The following SAMMSON variants were observed in gnomAD, a reference collection of about 807,000 sequenced individuals.
SAMMSON encodes the protein survival associated mitochondrial melanoma specific oncogenic non-coding RNA.
intron 7 of SAMMSON, among the ~76,000 whole-genome samples, chr3:70,323,766 TGTTGTGAGGCCACA>T (rs1702555908): frequency 6.6e-6 from 1 of 152,122 alleles, no homozygotes; most frequent in African/African-American, 2.4e-5. Flanking sequence ...CATACCTTAT[TGTTGTGAGGCCACA>T]GTTCATCTGC....
At chr3:70,427,305 T>G (rs1701377926) in intron 2 of SAMMSON, among the ~76,000 whole-genome samples, 1 of 152,220 alleles carries the variant, frequency 6.6e-6, no homozygotes, top group Non-Finnish European at 1.5e-5. Context: ...GTTTTGTTAG[T>G]AGTTTCTACT....
chr3:70,011,094 A>G (rs2066953430), intron 1 of SAMMSON, among the ~76,000 whole-genome samples: 1 of 152,112 alleles, frequency 6.6e-6, no homozygotes, highest in African/African-American at 2.4e-5. Flanking sequence ...GTATTACTCA[A>G]GGGTTCTTCA....
At chr3:70,153,034 C>G (rs917194581) in intron 4 of SAMMSON, among the ~76,000 whole-genome samples, 5 of 152,102 alleles carry the variant, frequency 3.3e-5, no homozygotes, top group African/African-American at 1.2e-4. Flanking sequence ...TCCATTGGCC[C>G]TTTAATGAAT....
intron 7 of SAMMSON, among the ~76,000 whole-genome samples, chr3:70,294,251 A>G (rs1165132807): frequency 6.6e-6 from 1 of 152,134 alleles, no homozygotes; most frequent in Non-Finnish European, 1.5e-5. Context: ...GATTTTTTGA[A>G]TAGTGTTCTT....
At chr3:70,333,197 C>A (rs932427420) in intron 7 of SAMMSON, among the ~76,000 whole-genome samples, 1 of 152,074 alleles carries the variant, frequency 6.6e-6, no homozygotes, top group Admixed American at 6.5e-5. Flanking sequence ...GTGGACAGAG[C>A]CTGTTTCACA....
intron 2 of SAMMSON, among the ~76,000 whole-genome samples, chr3:70,403,114 G>A (rs916465076): frequency 6.6e-6 from 1 of 152,098 alleles, no homozygotes; most frequent in Non-Finnish European, 1.5e-5. Flanking sequence ...AAAAGAGACT[G>A]TGTGGATAAC....
intron 3 of SAMMSON, among the ~76,000 whole-genome samples, chr3:70,034,948 G>A (rs1035738933): frequency 2.0e-5 from 3 of 152,150 alleles, no homozygotes; most frequent in African/African-American, 7.2e-5. Flanking sequence ...TTACTGCTGT[G>A]TAACAAATTA....
intron 7 of SAMMSON, among the ~76,000 whole-genome samples, chr3:70,310,802 A>G (rs1201951146): frequency 6.6e-6 from 1 of 152,158 alleles, no homozygotes; most frequent in Non-Finnish European, 1.5e-5. Context: ...TGTTCTGACG[A>G]GTAACTTAAA....
At chr3:70,274,058 T>C (rs917841378) in intron 6 of SAMMSON, among the ~76,000 whole-genome samples, 1 of 141,224 alleles carries the variant, frequency 7.1e-6, no homozygotes, top group Admixed American at 7.1e-5. Context: ...TAAACCTCCG[T>C]GTGTGTGTGT....
intron 3 of SAMMSON, among the ~76,000 whole-genome samples, chr3:70,034,507 A>C (rs78499621): frequency 0.046 from 7,057 of 152,172 alleles, 371 homozygotes; most frequent in African/African-American, 0.13. Flanking sequence ...TCTGTGGGTG[A>C]TTTGAACTTA....
chr3:70,110,218 C>T (rs1280145747), intron 4 of SAMMSON, among the ~76,000 whole-genome samples: 2 of 152,168 alleles, frequency 1.3e-5, no homozygotes, highest in Non-Finnish European at 2.9e-5. Context: ...TACTCCAGGG[C>T]TGGAGCTGTC....
chr3:70,153,434 C>T (rs1367706228), intron 4 of SAMMSON, among the ~76,000 whole-genome samples: 2 of 151,746 alleles, frequency 1.3e-5, no homozygotes, highest in East Asian at 1.9e-4. Context: ...CTCACTGCAA[C>T]GGATACCACT....
At chr3:70,058,170 A>G (rs1213519520) in intron 3 of SAMMSON, among the ~76,000 whole-genome samples, 2 of 152,078 alleles carry the variant, frequency 1.3e-5, no homozygotes, top group Non-Finnish European at 1.5e-5. Flanking sequence ...AAATGTAGGC[A>G]GTTGAGGCTT....
At chr3:70,206,923 G>A (rs1701297028) in intron 4 of SAMMSON, 2 of 393,242 alleles carry the variant, frequency 5.1e-6, no homozygotes, top group South Asian at 2.9e-4. Flanking sequence ...AAGTATTATT[G>A]AGCAAGACAA....
chr3:70,202,079 GAT>G (rs1415512838), intron 4 of SAMMSON, among the ~76,000 whole-genome samples: 1 of 152,176 alleles, frequency 6.6e-6, no homozygotes, highest in Non-Finnish European at 1.5e-5. Flanking sequence ...TGGTCTATCT[GAT>G]AGTGGTTAGT....
chr3:70,125,953 G>A lies in SAMMSON; in HGVS notation n.507+54388G>A. The A allele has an allele frequency of 9.2e-6, 7 of 762,806 alleles. No homozygotes were observed. The South Asian group carries it at 1.0e-4, about 11-fold the overall frequency. The allele number at this position is 762,806 out of a possible 1,614,324, so 47.3% of individuals were successfully genotyped here. A position where few individuals can be genotyped will look rare whatever the true frequency, so the allele number is the denominator to read the frequency against. ...AGGTTCCTCAGGTGGCTGAGGAGAT[G>A]TGGGTGGAAGAGGTGGATGCAATGG... On this transcript the variant is annotated intron_variant and non_coding_transcript_variant, in intron 4 of 9. Transcript: ENST00000642114.
intron 7 of SAMMSON, among the ~76,000 whole-genome samples, chr3:70,342,069 T>G (rs1702715385): frequency 6.6e-6 from 1 of 152,212 alleles, no homozygotes; most frequent in South Asian, 2.1e-4. Flanking sequence ...AAATGAGCAC[T>G]TTCACAGCAA....
At chr3:70,253,361 G>A (rs974186773) in intron 6 of SAMMSON, among the ~76,000 whole-genome samples, 6 of 152,180 alleles carry the variant, frequency 3.9e-5, no homozygotes, top group African/African-American at 1.2e-4. Flanking sequence ...GGGGATAAAT[G>A]TGCAAGGGGC....
At chr3:70,319,508 A>T (rs1170559327) in intron 7 of SAMMSON, among the ~76,000 whole-genome samples, 1 of 152,078 alleles carries the variant, frequency 6.6e-6, no homozygotes, top group Non-Finnish European at 1.5e-5. Context: ...CTTTCCAATC[A>T]ATCACACAGT....
Sources: allele counts gnomAD v4.1 joint callset (sites outside exome capture counted in the v4.1 genomes callset), GRCh38; gene constraint gnomAD v4.1.1; transcripts MANE v1.5; gene names NCBI Gene and HGNC (gene_info 2026-07-23, HGNC 2026-07-21).